Variants in TMEM176B observed in about 807,000 individuals in gnomAD.
TMEM176B encodes transmembrane protein 176B, also known as LR8-like protein.
In TMEM176B, 28 loss-of-function variants were observed where a neutral mutation model predicts 30.3. The ratio of observed to expected loss-of-function variants is 0.92; its 90% CI spans 0.68 to 1.27. The LOEUF is 1.27. Ranked by LOEUF, TMEM176B falls within the 50% of genes most tolerant of loss-of-function variation. The pLI, the probability that TMEM176B is intolerant of heterozygous loss-of-function variation, is 0.00. For synonymous variants in TMEM176B, 123 were observed against 130.3 expected (o/e 0.94, Z 0.38); for missense variants, 349 against 327.4 (o/e 1.07, Z -0.51).
At chr7:150,796,144 T>C (rs964409338) in intron 2 of TMEM176B, among the ~76,000 whole-genome samples, 26 of 152,300 alleles carry the variant, frequency 1.7e-4, no homozygotes, top group Admixed American at 1.2e-3. Flanking sequence ...ACCTATGATC[T>C]TTCATGAAGG....
chr7:150,798,293 T>TATTC (rs1225107841), intron 1 of TMEM176B, among the ~76,000 whole-genome samples: 43 of 152,336 alleles, frequency 2.8e-4, no homozygotes, highest in Middle Eastern at 3.4e-3. Context: ...TTTATTTATT[T>TATTC]ATTCATTTTT....
chr7:150,799,932 T>C (rs2116720190), intron 1 of TMEM176B: 1 of 152,348 alleles, frequency 6.6e-6, no homozygotes, highest in African/African-American at 2.4e-5. Context: ...CCGAACACTT[T>C]CCTCTGTCCA....
intron 5 of TMEM176B, among the ~76,000 whole-genome samples, chr7:150,792,543 G>A (rs1435947003): frequency 6.6e-6 from 1 of 152,172 alleles, no homozygotes; most frequent in African/African-American, 2.4e-5. Context: ...CAGTTTCTGT[G>A]CTATGAGAAG....
At chr7:150,793,438 A>G (rs549229381) in intron 4 of TMEM176B, 106 bp downstream of exon 4, 7 of 1,529,826 alleles carry the variant, frequency 4.6e-6, no homozygotes, top group African/African-American at 2.7e-5. Context: ...CTCCCCTCCA[A>G]GAAAGACCCC....
rs551789801 is a variant in TMEM176B, at chr7:150,795,864, A to T, written c.204+502T>A. 7.9e-5 allele frequency among the ~76,000 whole-genome samples: 12 copies of T among 152,288 alleles called. No homozygotes were observed. In the South Asian group the frequency reaches 2.5e-3, roughly 32 times the overall value. ...CACTTTCCTCTTTTGCATCCTATTGAAGAAGGAGAGTTTCCACTGTGAAAG... is the reference window on the plus strand; with the variant it reads ...CACTTTCCTCTTTTGCATCCTATTGTAGAAGGAGAGTTTCCACTGTGAAAG... On this transcript the variant is annotated intron_variant, in intron 2 of 6. Transcript: ENST00000326442.
intron 1 of TMEM176B, among the ~76,000 whole-genome samples, chr7:150,797,001 G>T (rs1798555873): frequency 6.6e-6 from 1 of 152,086 alleles, no homozygotes; most frequent in Non-Finnish European, 1.5e-5. Context: ...CAGTGTCTTT[G>T]TCAAAATTCA....
intron 1 of TMEM176B, among the ~76,000 whole-genome samples, chr7:150,798,651 A>G (rs1798625082): frequency 1.3e-5 from 2 of 152,030 alleles, no homozygotes; most frequent in African/African-American, 2.4e-5. Flanking sequence ...GACTCAAGCA[A>G]TCCTCCCACC....
At chr7:150,800,992 C>T, upstream of TMEM176B, 2 of 985,940 alleles carry the variant, frequency 2.0e-6, no homozygotes, top group Non-Finnish European at 2.4e-6. Flanking sequence ...TTTTGACCTA[C>T]CTCCGCACCG....
rs1314062450 is a variant in TMEM176B at position 150,796,334 on chromosome 7, T to C, written c.204+32A>G. 1.9e-6 allele frequency: 3 copies of C among 1,595,970 alleles called. No individual in the cohort carries two copies. The South Asian group carries it at 3.3e-5, about 18-fold the overall frequency. ...AATTGACCTCATCACCTCGTTAACG[T>C]GCCCCCCAACCCCGCACCACCCCAG... On this transcript the variant is annotated intron_variant, in intron 2 of 6. Transcript: ENST00000326442.
chr7:150,792,020 C>T (rs1345728409), intron 6 of TMEM176B, 36 bp downstream of exon 6: 3 of 1,611,962 alleles, frequency 1.9e-6, no homozygotes, highest in Admixed American at 3.3e-5. Flanking sequence ...ACCACCCAGA[C>T]TCACGCTGCC....
In TMEM176B at chr7:150,796,525, A is replaced by T; in HGVS notation, c.45T>A (p.Ser15=). 6.2e-7 allele frequency: 1 copy of T among 1,614,240 alleles called. No individual in the cohort carries two copies. Among genetic ancestry groups the T allele is most frequent in the Non-Finnish European group, 8.5e-7 (1 of 1,180,048 alleles). ...TVIVNGVAMA[S]RPSQPTHVNV... ...TGACGTGGGTGGGCTGGGATGGCCT[A>T]GAGGCCATAGCAACTCCATTCACAA... Residue 15 remains serine, a synonymous_variant, in exon 2 of 7, where the codon TCT becomes TCA. Transcript: ENST00000326442.
chr7:150,800,048 G>T (rs115827753), intron 1 of TMEM176B: 2,855 of 152,402 alleles, frequency 0.019, 94 homozygotes, highest in African/African-American at 0.06. Context: ...GGGTCCAGGC[G>T]TGCAGGCGGC....
intron 2 of TMEM176B, among the ~76,000 whole-genome samples, chr7:150,795,305 C>G (rs1290992559): frequency 6.6e-6 from 1 of 152,196 alleles, no homozygotes; most frequent in Admixed American, 6.5e-5. Flanking sequence ...TTCATGAAGC[C>G]CATTCCCTTT....
At chr7:150,798,835 T>A (rs1798635888) in intron 1 of TMEM176B, among the ~76,000 whole-genome samples, 1 of 152,238 alleles carries the variant, frequency 6.6e-6, no homozygotes, top group South Asian at 2.1e-4. Flanking sequence ...TTTGTTTTGC[T>A]TTTTTCTATG....
chr7:150,796,365 C>T lies in TMEM176B; in HGVS notation c.204+1G>A, dbSNP rs766427021. On this transcript the variant is annotated splice_donor_variant, in intron 2 of 6. Coordinates refer to ENST00000326442, the MANE Select transcript of TMEM176B (RefSeq NM_001101312.2). LOFTEE classifies it high-confidence loss of function. Reference sequence around the variant, plus strand: ...CCAACCCCGCACCACCCCAGTCTTACCCCTAGAGCCAGCTGCTCATAACCA... The same window carrying T: ...CCAACCCCGCACCACCCCAGTCTTATCCCTAGAGCCAGCTGCTCATAACCA... The T allele has an allele frequency of 1.2e-6, 2 of 1,614,070 alleles. No individual in the cohort carries two copies. Among genetic ancestry groups the T allele is most frequent in the Non-Finnish European group, 1.7e-6 (2 of 1,179,936 alleles).
intron 1 of TMEM176B, among the ~76,000 whole-genome samples, chr7:150,798,875 G>A (rs375417712): frequency 6.6e-5 from 10 of 152,142 alleles, no homozygotes; most frequent in South Asian, 4.2e-4. Context: ...CAAAATTACC[G>A]TTTGTGATAT....
rs535289673 is a variant in TMEM176B, at chr7:150,794,360, C to CA, written c.205-290dup. On this transcript the variant is annotated intron_variant, in intron 2 of 6. Coordinates refer to ENST00000326442, the MANE Select transcript of TMEM176B (RefSeq NM_001101312.2). Reference sequence around the variant, plus strand: ...CTGAAGATTCCCACTTTTCCCCCCCCATTCTCCTTCAGAGGTCCCATTGTC... The same window carrying CA: ...CTGAAGATTCCCACTTTTCCCCCCCCAATTCTCCTTCAGAGGTCCCATTGTC... Among the ~76,000 whole-genome samples, 76 of 152,058 alleles carry CA rather than the reference C, an allele frequency of 5.0e-4. 1 individual carries two copies. In the South Asian group the frequency reaches 0.015, roughly 31 times the overall value.
chr7:150,795,370 C>T (rs144707910), intron 2 of TMEM176B, among the ~76,000 whole-genome samples: 1 of 152,280 alleles, frequency 6.6e-6, no homozygotes, highest in African/African-American at 2.4e-5. Flanking sequence ...TGCCTTTGCT[C>T]CTGCCATTCT....
Position 150,792,093 on chromosome 7 carries a change from C to A in TMEM176B, c.683G>T (p.Gly228Val), listed in dbSNP as rs1329004692. 1 of 1,613,998 alleles carries A rather than the reference C, an allele frequency of 6.2e-7. No individual in the cohort carries two copies. The highest frequency in any genetic ancestry group is 1.1e-5 in the South Asian group (1 of 91,074). Residue 228 changes from glycine to valine, a missense_variant, in exon 6 of 7, where the codon GGT (glycine) becomes GTT (valine). By Grantham distance (109) the Gly-to-Val change is moderately radical (BLOSUM62 -3). Transcript: ENST00000326442. ...GCTCTGGCCACACAAGTTTCGAAGACCTACTCCCAAGGAAACCAAGGACAC... is the reference window on the plus strand; with the variant it reads ...GCTCTGGCCACACAAGTTTCGAAGAACTACTCCCAAGGAAACCAAGGACAC... Reference protein sequence around the residue: ...VIVSLVSLGVGLRNLCGQSSQ... With the variant: ...VIVSLVSLGVVLRNLCGQSSQ...
Sources: gnomAD v4.1 joint callset for allele counts (sites outside exome capture counted in the v4.1 genomes callset) on GRCh38, gnomAD v4.1.1 for gene constraint, MANE v1.5 for transcripts, NCBI Gene and HGNC (gene_info 2026-07-23, HGNC 2026-07-21) for gene names.